The following MAGI1 variants were observed in gnomAD, a reference collection of about 807,000 sequenced individuals.
MAGI1 encodes the protein membrane-associated guanylate kinase, WW and PDZ domain-containing protein 1.
MAGI1 carries 58 observed loss-of-function variants against 139.9 expected under a neutral mutation model. That is an observed-to-expected ratio of 0.41 (90% CI 0.34 to 0.52). The LOEUF is 0.52. Among genes scored for constraint, MAGI1 ranks in the 20% least tolerant of loss-of-function variants. The pLI is 0.12. For synonymous variants in MAGI1, 812 were observed against 737.9 expected (o/e 1.10, Z -1.63); for missense variants, 1,874 against 1,901.6 (o/e 0.99, Z 0.27).
rs11446884 is a variant in MAGI1 at position 65,800,638 on chromosome 3, TA to T, written c.314-178551del. 8.7e-3 allele frequency among the ~76,000 whole-genome samples: 1,304 copies of T among 149,902 alleles called. 18 individuals are homozygous for T. The highest frequency in any genetic ancestry group is 0.029 in the African/African-American group (1,193 of 40,868). On this transcript the variant is annotated intron_variant, in intron 1 of 22. Transcript: ENST00000402939. ...TGGGAAATACGTTTTTTAATTAGATTAAAAAAAAAACTGATGTAAGAAATTG... is the reference window on the plus strand; with the variant it reads ...TGGGAAATACGTTTTTTAATTAGATTAAAAAAAAACTGATGTAAGAAATTG...
At chr3:65,528,306 A>G (rs574535880) in intron 2 of MAGI1, among the ~76,000 whole-genome samples, 1 of 152,334 alleles carries the variant, frequency 6.6e-6, no homozygotes, top group South Asian at 2.1e-4. Flanking sequence ...GCGTTTCTCA[A>G]AACTAAGATT....
chr3:65,707,011 C>A (rs573423014), intron 1 of MAGI1, among the ~76,000 whole-genome samples: 1 of 152,228 alleles, frequency 6.6e-6, no homozygotes, highest in Non-Finnish European at 1.5e-5. Context: ...AGTGAACCAC[C>A]GTCTCGGCAT....
intron 1 of MAGI1, among the ~76,000 whole-genome samples, chr3:65,834,651 C>T (rs36031220): frequency 6.6e-6 from 1 of 152,160 alleles, no homozygotes; most frequent in Non-Finnish European, 1.5e-5. Context: ...TCTAGTTGTT[C>T]TATCAATTAT....
In MAGI1 at chr3:65,788,226, G is replaced by C. The variant is rs114037512; in HGVS notation, c.314-166138C>G. ...TGTTACAAGTGCTTGAAGGTTTTTCGAATGTTTTTCAAATGCAGTTTGTCC... is the reference window on the plus strand; with the variant it reads ...TGTTACAAGTGCTTGAAGGTTTTTCCAATGTTTTTCAAATGCAGTTTGTCC... On this transcript the variant is annotated intron_variant, in intron 1 of 22. Coordinates refer to ENST00000402939, the MANE Select transcript of MAGI1 (RefSeq NM_001033057.2). Among the ~76,000 whole-genome samples the C allele has an allele frequency of 3.8e-3, 583 of 152,340 alleles. 2 individuals carry two copies. Among genetic ancestry groups the C allele is most frequent in the African/African-American group, 0.013 (549 of 41,578 alleles).
intron 1 of MAGI1, among the ~76,000 whole-genome samples, chr3:65,705,372 TAGTA>T (rs1479434626): frequency 1.3e-5 from 2 of 152,202 alleles, no homozygotes; most frequent in Admixed American, 1.3e-4. Flanking sequence ...CAGAGTATCT[TAGTA>T]AGCCCTCAAG....
intron 1 of MAGI1, among the ~76,000 whole-genome samples, chr3:65,674,613 CCTT>C: frequency 6.6e-6 from 1 of 152,142 alleles, no homozygotes; most frequent in South Asian, 2.1e-4. Flanking sequence ...ACTGCCTTTC[CCTT>C]CAGAGTCATC....
At chr3:65,673,836 C>T (rs1233202345) in intron 1 of MAGI1, among the ~76,000 whole-genome samples, 1 of 152,150 alleles carries the variant, frequency 6.6e-6, no homozygotes, top group Non-Finnish European at 1.5e-5. Flanking sequence ...CCTATTTCAC[C>T]TATAGTCCTA....
chr3:65,376,302 C>A (rs574833489), intron 17 of MAGI1, among the ~76,000 whole-genome samples: 1 of 152,290 alleles, frequency 6.6e-6, no homozygotes, highest in East Asian at 1.9e-4. Context: ...TTTGGGACTG[C>A]AAATGTGAAA....
At chr3:65,498,232 G>C (rs572469512) in intron 2 of MAGI1, among the ~76,000 whole-genome samples, 65 of 147,586 alleles carry the variant, frequency 4.4e-4, no homozygotes, top group African/African-American at 1.4e-3. Flanking sequence ...GACAGAAGAC[G>C]AGTCAAACAA....
At chr3:65,593,489 T>A (rs1490743611) in intron 2 of MAGI1, among the ~76,000 whole-genome samples, 3 of 152,198 alleles carry the variant, frequency 2.0e-5, no homozygotes, top group Non-Finnish European at 4.4e-5. Context: ...TCTAAATGAT[T>A]TTTTACTTCC....
chr3:65,482,349 CAT>C (rs1951343138), intron 3 of MAGI1, among the ~76,000 whole-genome samples: 1 of 152,198 alleles, frequency 6.6e-6, no homozygotes, highest in Admixed American at 6.5e-5. Flanking sequence ...GTTGCTATCA[CAT>C]GTTTTCAGTC....
At chr3:65,703,209 G>A (rs2089735722) in intron 1 of MAGI1, among the ~76,000 whole-genome samples, 1 of 152,208 alleles carries the variant, frequency 6.6e-6, no homozygotes, top group Non-Finnish European at 1.5e-5. Flanking sequence ...ACCAGAAGAT[G>A]AGCAAATCTG....
intron 2 of MAGI1, among the ~76,000 whole-genome samples, chr3:65,538,794 T>C (rs1290724755): frequency 6.6e-6 from 1 of 152,154 alleles, no homozygotes; most frequent in East Asian, 1.9e-4. Flanking sequence ...ATTTTTCTTT[T>C]ATTAACTAAG....
At chr3:65,866,177 T>C (rs2059717491) in intron 1 of MAGI1, among the ~76,000 whole-genome samples, 1 of 151,244 alleles carries the variant, frequency 6.6e-6, no homozygotes, top group Non-Finnish European at 1.5e-5. Context: ...AGAATAACTG[T>C]GGCTGGGGGA....
intron 1 of MAGI1, among the ~76,000 whole-genome samples, chr3:65,977,095 A>G (rs1274093962): frequency 2.6e-5 from 4 of 152,210 alleles, no homozygotes; most frequent in African/African-American, 9.6e-5. Flanking sequence ...GTGATGCTCA[A>G]TACCTACTTA....
chr3:65,537,994 G>T (rs2079037799), intron 2 of MAGI1, among the ~76,000 whole-genome samples: 1 of 152,124 alleles, frequency 6.6e-6, no homozygotes, highest in South Asian at 2.1e-4. Context: ...AAATCAGCCA[G>T]TGTGGTGGTG....
intron 12 of MAGI1, among the ~76,000 whole-genome samples, chr3:65,428,901 G>C (rs772704392): frequency 1.3e-5 from 2 of 152,058 alleles, no homozygotes; most frequent in Admixed American, 6.6e-5. Flanking sequence ...GGAAGAGCTG[G>C]GAAAGGACCA....
intron 1 of MAGI1, among the ~76,000 whole-genome samples, chr3:65,632,596 T>C (rs534072238): frequency 6.6e-6 from 1 of 152,274 alleles, no homozygotes; most frequent in South Asian, 2.1e-4. Context: ...TTGGTCTAGG[T>C]CAGGGGTCAG....
chr3:65,596,454 G>C (rs1436091953), intron 2 of MAGI1, among the ~76,000 whole-genome samples: 1 of 152,192 alleles, frequency 6.6e-6, no homozygotes, highest in Non-Finnish European at 1.5e-5. Context: ...TCTCCTAATT[G>C]ATTCTCAGTT....
Sources: gnomAD v4.1 joint callset for allele counts (sites outside exome capture counted in the v4.1 genomes callset) on GRCh38, gnomAD v4.1.1 for gene constraint, MANE v1.5 for transcripts, NCBI Gene and HGNC (gene_info 2026-07-23, HGNC 2026-07-21) for gene names.